Variants in KATNA1 observed in about 807,000 individuals in gnomAD.
KATNA1 encodes katanin p60 ATPase-containing subunit A1.
Under a neutral mutation model 62.6 loss-of-function variants are expected in KATNA1, and 42 were observed. The ratio of observed to expected loss-of-function variants is 0.67; its 90% CI spans 0.52 to 0.87. The LOEUF is 0.87. Among genes scored for constraint, KATNA1 ranks in the 40% least tolerant of loss-of-function variants. The pLI is 0.00. For missense variants in KATNA1, 498 were observed against 612.5 expected (o/e 0.81, Z 1.97); for synonymous variants, 186 against 201.9 (o/e 0.92, Z 0.67).
chr6:149,599,848 A>G (rs1278561724), intron 7 of KATNA1, among the ~76,000 whole-genome samples: 4 of 152,028 alleles, frequency 2.6e-5, no homozygotes, highest in African/African-American at 4.8e-5. Context: ...ACTTCAAAAG[A>G]GGCTAACTTT....
rs1352564659 is a variant in KATNA1 at position 149,594,978 on chromosome 6, T to A, written c.*58A>T. 3.0e-6 allele frequency: 4 copies of A among 1,334,060 alleles called. No homozygotes were observed. The East Asian group carries it at 6.9e-5, about 23-fold the overall frequency. The allele number at this position is 1,334,060 out of a possible 1,614,324, so 82.6% of individuals were successfully genotyped here. On this transcript the variant is annotated 3_prime_UTR_variant, in exon 11 of 11. Transcript: ENST00000367411. ...AAATATAGCACTCAGTACAATGAATTACTGCATTTAATATTCAAACACTTA... is the reference window on the plus strand; with the variant it reads ...AAATATAGCACTCAGTACAATGAATAACTGCATTTAATATTCAAACACTTA...
At chr6:149,597,271 A>G (rs959699994) in intron 9 of KATNA1, 82 bp from the exon 10 acceptor site, 3 of 1,442,486 alleles carry the variant, frequency 2.1e-6, no homozygotes, top group African/African-American at 2.8e-5. Context: ...TTTGTGTGAG[A>G]TGTTGTCTTC....
intron 4 of KATNA1, among the ~76,000 whole-genome samples, chr6:149,619,828 T>C (rs1010492862): frequency 3.3e-5 from 5 of 152,152 alleles, no homozygotes; most frequent in African/African-American, 1.2e-4. Flanking sequence ...ATTGCTAGAT[T>C]ATATGGTAGT....
intron 4 of KATNA1, among the ~76,000 whole-genome samples, chr6:149,606,414 T>C (rs1778742905): frequency 6.6e-6 from 1 of 152,172 alleles, no homozygotes; most frequent in Admixed American, 6.6e-5. Context: ...TGTTACCCAA[T>C]TCCCATAACA....
chr6:149,594,920 T>A lies in KATNA1; in HGVS notation c.*116A>T, dbSNP rs546227234. ...TTTATTCAGAATCATAAGGGTTTTT[T>A]TAAAAAAATCTTACCATTATGAAAG... On this transcript the variant is annotated 3_prime_UTR_variant, in exon 11 of 11. Transcript: ENST00000367411. The A allele has an allele frequency of 3.7e-3, 2,891 of 785,332 alleles. 13 individuals carry two copies. Among genetic ancestry groups the A allele is most frequent in the African/African-American group, 0.013 (730 of 56,366 alleles). The allele number at this position is 785,332 out of a possible 1,614,324, so 48.6% of individuals were successfully genotyped here.
intron 4 of KATNA1, among the ~76,000 whole-genome samples, chr6:149,607,394 T>C (rs953124974): frequency 6.6e-6 from 1 of 152,170 alleles, no homozygotes; most frequent in African/African-American, 2.4e-5. Context: ...GGTGGATCAG[T>C]TGAGGCCAGG....
chr6:149,600,149 A>G (rs1422025945), intron 7 of KATNA1, among the ~76,000 whole-genome samples: 1 of 149,698 alleles, frequency 6.7e-6, no homozygotes, highest in Non-Finnish European at 1.5e-5. Context: ...GTGCCTGTGA[A>G]TAACCACTGC....
chr6:149,628,300 G>A (rs1458887296), intron 3 of KATNA1, among the ~76,000 whole-genome samples: 10 of 145,092 alleles, frequency 6.9e-5, no homozygotes, highest in East Asian at 2.1e-4. Context: ...TAGTAGAGAC[G>A]GGGTTTCACT....
intron 4 of KATNA1, among the ~76,000 whole-genome samples, chr6:149,622,013 G>T (rs1779416290): frequency 6.6e-6 from 1 of 152,098 alleles, no homozygotes; most frequent in Non-Finnish European, 1.5e-5. Context: ...GACAGAAGGG[G>T]GGAAATCTCT....
At chr6:149,596,180 C>G (rs1034232746) in intron 10 of KATNA1, among the ~76,000 whole-genome samples, 2 of 152,162 alleles carry the variant, frequency 1.3e-5, no homozygotes, top group African/African-American at 4.8e-5. Context: ...ATGAAAGATA[C>G]CAGATATCTT....
chr6:149,601,736 C>T lies in KATNA1; in HGVS notation c.746G>A (p.Gly249Asp). ...GAGCGTCTTCCCCGTGCCAGGTGGG[C>T]CGACCATCAGTACTCCCTGTTGCGA... The part of the protein sequence containing the change: ...RRPWKGVLMV[G>D]PPGTGKTLLA... The change falls in exon 7 of 11, where the codon GGC (glycine) becomes GAC (aspartate). Residue 249 changes from glycine (G) to aspartate (D), a missense_variant. By Grantham distance (94) the Gly-to-Asp change is moderately conservative. Around this residue, in one of 3 missense-constraint regions of KATNA1, gnomAD observed 267 missense variants for 372.6 expected, o/e 0.72. Coordinates refer to ENST00000367411, the MANE Select transcript of KATNA1 (RefSeq NM_007044.4). The T allele has an allele frequency of 6.2e-7, 1 of 1,603,912 alleles. No individual in the cohort carries two copies. Among genetic ancestry groups the T allele is most frequent in the South Asian group, 1.1e-5 (1 of 89,082 alleles).
At chr6:149,616,030 G>C (rs775937086) in intron 4 of KATNA1, among the ~76,000 whole-genome samples, 1 of 152,168 alleles carries the variant, frequency 6.6e-6, no homozygotes, top group Non-Finnish European at 1.5e-5. Flanking sequence ...TTCACAGAGA[G>C]AGGAGGTAGA....
intron 8 of KATNA1, 23 bp downstream of exon 8, chr6:149,598,201 C>T (rs111295637): frequency 6.2e-7 from 1 of 1,612,650 alleles, no homozygotes; most frequent in South Asian, 1.1e-5. Flanking sequence ...CGTCCCTGTT[C>T]AACTCAAGCT....
chr6:149,628,167 G>A (rs1484931655), intron 3 of KATNA1, among the ~76,000 whole-genome samples: 2 of 150,672 alleles, frequency 1.3e-5, no homozygotes, highest in African/African-American at 4.9e-5. Context: ...GCGCCATCTC[G>A]GCTCACTGCA....
intron 4 of KATNA1, among the ~76,000 whole-genome samples, chr6:149,611,981 CAA>C (rs1778980384): frequency 6.6e-6 from 1 of 151,966 alleles, no homozygotes; most frequent in African/African-American, 2.4e-5. Flanking sequence ...GCCTGGGCGA[CAA>C]AGCGAGACTC....
intron 2 of KATNA1, among the ~76,000 whole-genome samples, chr6:149,633,478 C>G (rs1779934906): frequency 6.6e-6 from 1 of 151,956 alleles, no homozygotes; most frequent in Admixed American, 6.6e-5. Flanking sequence ...GCCTGTAATC[C>G]CAGCACTTTA....
At chr6:149,612,887 T>C (rs1338683196) in intron 4 of KATNA1, among the ~76,000 whole-genome samples, 2 of 151,994 alleles carry the variant, frequency 1.3e-5, no homozygotes, top group African/African-American at 2.4e-5. Flanking sequence ...CAGAAAAGCA[T>C]GTGCTAAAAC....
intron 4 of KATNA1, among the ~76,000 whole-genome samples, chr6:149,619,582 C>T (rs1779314680): frequency 6.6e-6 from 1 of 151,332 alleles, no homozygotes; most frequent in African/African-American, 2.4e-5. Context: ...CACTGCACTC[C>T]AGCCTGGGCA....
intron 1 of KATNA1, among the ~76,000 whole-genome samples, chr6:149,642,585 T>C (rs1780335753): frequency 6.6e-6 from 1 of 152,278 alleles, no homozygotes; most frequent in African/African-American, 2.4e-5. Context: ...CATGGTACCA[T>C]GTAGCAGACA....
Sources: gnomAD v4.1 joint callset for allele counts (sites outside exome capture counted in the v4.1 genomes callset) on GRCh38, gnomAD v4.1.1 for gene constraint, gnomAD v4.1.1 regional missense constraint, MANE v1.5 for transcripts, NCBI Gene and HGNC (gene_info 2026-07-23, HGNC 2026-07-21) for gene names.